MOCOS: variants seen among roughly 807,000 people sequenced by gnomAD.
The protein encoded by MOCOS is molybdenum cofactor sulfurase, also known as human molybdenum cofactor sulfurase.
A neutral mutation model predicts 83.6 loss-of-function variants in MOCOS; 86 were observed. The observed-to-expected ratio is 1.03, with a 90% CI of 0.86 to 1.23. The LOEUF (loss-of-function observed/expected upper bound fraction) is 1.23. MOCOS is among the 50% of genes most tolerant of loss of function. The pLI, the probability that MOCOS is intolerant of heterozygous loss-of-function variation, is 0.00. For missense variants in MOCOS, 1,120 were observed against 1,126.9 expected (o/e 0.99, Z 0.09); for synonymous variants, 445 against 434.7 (o/e 1.02, Z -0.29).
At chr18:36,266,139 G>A (rs1038663076) in intron 13 of MOCOS, among the ~76,000 whole-genome samples, 3 of 151,916 alleles carry the variant, frequency 2.0e-5, no homozygotes, top group African/African-American at 4.8e-5. Context: ...CTGGCTCTGC[G>A]ACCTCCTCCT....
Position 36,199,800 on chromosome 18 carries a change from G to A in MOCOS, c.417G>A (p.Glu139=), listed in dbSNP as rs1257187157. 6.2e-7 allele frequency: 1 copy of A among 1,614,178 alleles called. No individual in the cohort carries two copies. The highest frequency in any genetic ancestry group is 1.1e-5 in the South Asian group (1 of 91,078). Reference sequence around the variant, plus strand: ...TTCCATGGGTGTCCCAGGGCCCAGAGAGCAGTGGGAGTCGCTTCTGTTACC... The same window carrying A: ...TTCCATGGGTGTCCCAGGGCCCAGAAAGCAGTGGGAGTCGCTTCTGTTACC... ...EAFPWVSQGP[E]SSGSRFCYLT... is the part of the protein sequence containing the mutation. The change falls in exon 4 of 15, where the codon GAG becomes GAA. Residue 139 remains glutamate (E), a synonymous_variant. Coordinates refer to ENST00000261326, the MANE Select transcript of MOCOS (RefSeq NM_017947.4).
At position 36,205,210 on chromosome 18, in the gene MOCOS, G is replaced by T; in HGVS notation, c.1152G>T (p.Glu384Asp). 1 of 1,613,874 alleles carries T rather than the reference G, an allele frequency of 6.2e-7. No individual in the cohort carries two copies. ...IYSDSEFSSP[E>D]VQGPIINFNV... ...GCGATTCTGAGTTCAGCAGCCCTGA[G>T]GTTCAGGGCCCAATCATCAATTTTA... The change falls in exon 6 of 15, where the codon GAG becomes GAT. Residue 384 changes from glutamate to aspartate, a missense_variant. Transcript: ENST00000261326.
chr18:36,254,947 A>G lies in MOCOS; in HGVS notation c.2165-2021A>G, dbSNP rs2091636468. On this transcript the variant is annotated intron_variant, in intron 11 of 14. Transcript: ENST00000261326. ...CGCCATGTTGCCCAGGCTGGTCTCC[A>G]ACTTTTGAGTTCAAGCAGTCCTCTC... Among the ~76,000 whole-genome samples the G allele has an allele frequency of 2.0e-5, 3 of 152,074 alleles. No homozygotes were observed. In the South Asian group the frequency reaches 6.2e-4, roughly 32 times the overall value.
intron 11 of MOCOS, 26 bp downstream of exon 11, chr18:36,251,309 G>A: frequency 6.2e-7 from 1 of 1,612,740 alleles, no homozygotes; most frequent in South Asian, 1.1e-5. Flanking sequence ...TTGGTTCGTA[G>A]AGAACAGGAA....
At chr18:36,197,633 TGTG>T (rs1349048776) in intron 2 of MOCOS, among the ~76,000 whole-genome samples, 4 of 152,012 alleles carry the variant, frequency 2.6e-5, no homozygotes, top group African/African-American at 9.7e-5. Context: ...ATCAGCCAGG[TGTG>T]GTGGCACATG....
chr18:36,225,221 G>A (rs1265299343), intron 9 of MOCOS, among the ~76,000 whole-genome samples: 3 of 151,852 alleles, frequency 2.0e-5, no homozygotes, highest in Non-Finnish European at 2.9e-5. Context: ...GCACGATCTC[G>A]GCTCACTGCA....
chr18:36,259,565 AAAG>A (rs949830504), intron 12 of MOCOS, among the ~76,000 whole-genome samples: 11 of 152,076 alleles, frequency 7.2e-5, no homozygotes, highest in Non-Finnish European at 1.3e-4. Flanking sequence ...AAAAAAAAAA[AAAG>A]AGTGAGATCT....
At chr18:36,191,040 A>AAAAAAAAAG (rs1555650788) in intron 1 of MOCOS, among the ~76,000 whole-genome samples, 222 of 146,476 alleles carry the variant, frequency 1.5e-3, no homozygotes, top group South Asian at 3.1e-3. Context: ...AAGAAAAAGA[A>AAAAAAAAAG]AAAAAAGTGT....
intron 11 of MOCOS, among the ~76,000 whole-genome samples, chr18:36,253,532 G>A (rs1045002293): frequency 5.3e-5 from 8 of 152,074 alleles, no homozygotes; most frequent in Non-Finnish European, 8.8e-5. Flanking sequence ...CGGGCATGGT[G>A]GCAAGTGCCT....
At chr18:36,267,634 G>T (rs1168108920) in intron 14 of MOCOS, among the ~76,000 whole-genome samples, 1 of 152,168 alleles carries the variant, frequency 6.6e-6, no homozygotes, top group African/African-American at 2.4e-5. Flanking sequence ...GCAGAGTAGT[G>T]CATTTGACTG....
intron 1 of MOCOS, among the ~76,000 whole-genome samples, chr18:36,194,120 T>C (rs1463774294): frequency 1.3e-5 from 2 of 152,210 alleles, no homozygotes; most frequent in African/African-American, 4.8e-5. Context: ...AGATTAGTGG[T>C]TATCAAGGGC....
chr18:36,205,680 C>T (rs549903000), intron 6 of MOCOS, among the ~76,000 whole-genome samples: 14 of 152,284 alleles, frequency 9.2e-5, no homozygotes, highest in African/African-American at 3.4e-4. Flanking sequence ...GGAATGGATT[C>T]AATCGTTGGG....
chr18:36,201,144 T>C (rs1472618934), intron 4 of MOCOS, among the ~76,000 whole-genome samples: 3 of 152,058 alleles, frequency 2.0e-5, no homozygotes, highest in Non-Finnish European at 4.4e-5. Context: ...ACCTCCAGGG[T>C]CCGGAGAAGG....
chr18:36,254,460 G>C (rs76380645), intron 11 of MOCOS, among the ~76,000 whole-genome samples: 80 of 47,266 alleles, frequency 1.7e-3, no homozygotes, highest in African/African-American at 6.9e-3. Context: ...CATTATCTCT[G>C]TGTGTGTGTG....
chr18:36,234,577 G>A (rs185939597), intron 9 of MOCOS, among the ~76,000 whole-genome samples: 162 of 152,070 alleles, frequency 1.1e-3, no homozygotes, highest in African/African-American at 3.7e-3. Flanking sequence ...TAATGATGAC[G>A]GCATTTTGAT....
intron 3 of MOCOS, among the ~76,000 whole-genome samples, chr18:36,199,156 T>C (rs936073383): frequency 2.6e-5 from 4 of 152,104 alleles, no homozygotes; most frequent in Admixed American, 1.3e-4. Context: ...TTTTCCCTTT[T>C]CCCCCCTTTT....
At chr18:36,237,702 T>G (rs1252350118) in intron 9 of MOCOS, among the ~76,000 whole-genome samples, 48 of 152,118 alleles carry the variant, frequency 3.2e-4, no homozygotes, top group African/African-American at 8.7e-4. Flanking sequence ...GTTTCAGAAG[T>G]AATGGTACCA....
chr18:36,205,105 C>T lies in MOCOS; in HGVS notation c.1047C>T (p.Thr349=). 2 of 1,612,988 alleles carry T rather than the reference C, an allele frequency of 1.2e-6. No individual in the cohort carries two copies. Among genetic ancestry groups the T allele is most frequent in the South Asian group, 2.2e-5 (2 of 91,034 alleles). The part of the protein sequence containing the change: ...TGGMENIKQH[T]FTLAQYTYVA... ...GAATGGAGAATATAAAGCAGCACAC[C>T]TTCACCTTGGCTCAGTATACCTACG... The change falls in exon 6 of 15, where the codon ACC becomes ACT. Residue 349 remains threonine (T), a synonymous_variant. Transcript: ENST00000261326.
chr18:36,232,759 C>T (rs1228301119), intron 9 of MOCOS, among the ~76,000 whole-genome samples: 1 of 151,876 alleles, frequency 6.6e-6, no homozygotes, highest in Admixed American at 6.6e-5. Flanking sequence ...CTTTTTATGC[C>T]TGGCTTATTT....
Sources: allele counts gnomAD v4.1 joint callset (sites outside exome capture counted in the v4.1 genomes callset), GRCh38; gene constraint gnomAD v4.1.1; transcripts MANE v1.5; gene names NCBI Gene and HGNC (gene_info 2026-07-23, HGNC 2026-07-21).